Variants in PGCKA1 observed in about 807,000 individuals in gnomAD.
PGCKA1 encodes PDCD10 and GCKIII kinases-associated protein 1.
At chr4:37,509,419 T>C in the PGCKA1 span, among the ~76,000 whole-genome samples, 44,451 of 109,980 alleles carry the variant, frequency 0.4, 10,167 homozygotes, top group African/African-American at 0.5. Context: ...AGGGCAGAGA[T>C]GCTCCCCACA....
chr4:37,570,973 A>G, the PGCKA1 span, among the ~76,000 whole-genome samples: 4 of 152,350 alleles, frequency 2.6e-5, no homozygotes, highest in South Asian at 8.3e-4. Flanking sequence ...GGAAAAGGGT[A>G]TAGACCCTCT....
At chr4:37,550,831 G>T in the PGCKA1 span, among the ~76,000 whole-genome samples, 2 of 152,248 alleles carry the variant, frequency 1.3e-5, no homozygotes, top group African/African-American at 4.8e-5. Context: ...TGGGAATCCC[G>T]AGAATTAATT....
At chr4:37,522,992 T>C in the PGCKA1 span, among the ~76,000 whole-genome samples, 12 of 152,058 alleles carry the variant, frequency 7.9e-5, no homozygotes, top group Non-Finnish European at 1.8e-4. Context: ...CCCCAGCGGA[T>C]GTCTCAGTAT....
chr4:37,498,293 G>A, the PGCKA1 span, among the ~76,000 whole-genome samples: 1 of 152,186 alleles, frequency 6.6e-6, no homozygotes, highest in Admixed American at 6.5e-5. Context: ...CCAGTACCAT[G>A]CTGTTTTGGT....
the PGCKA1 span, among the ~76,000 whole-genome samples, chr4:37,488,980 C>A: frequency 6.6e-6 from 1 of 152,110 alleles, no homozygotes; most frequent in African/African-American, 2.4e-5. Flanking sequence ...CACGTATATA[C>A]CAAAGGCCAG....
At chr4:37,571,841 AGACTG>A in the PGCKA1 span, among the ~76,000 whole-genome samples, 1 of 152,026 alleles carries the variant, frequency 6.6e-6, no homozygotes, top group Non-Finnish European at 1.5e-5. Context: ...CATGTTGGCC[AGACTG>A]GTCTCGAACT....
the PGCKA1 span, among the ~76,000 whole-genome samples, chr4:37,584,727 C>T: frequency 6.6e-6 from 1 of 152,230 alleles, no homozygotes; most frequent in African/African-American, 2.4e-5. Context: ...CAGGGTCAAT[C>T]TTGGTCAGCC....
the PGCKA1 span, among the ~76,000 whole-genome samples, chr4:37,552,836 T>A: frequency 6.6e-6 from 1 of 152,260 alleles, no homozygotes; most frequent in East Asian, 1.9e-4. Context: ...CTAATTTGTT[T>A]GCCTATCATG....
the PGCKA1 span, among the ~76,000 whole-genome samples, chr4:37,522,888 C>T: frequency 6.6e-6 from 1 of 151,984 alleles, no homozygotes; most frequent in Non-Finnish European, 1.5e-5. Flanking sequence ...CCTTCTCTCT[C>T]CTCTCCTCAA....
chr4:37,592,352 T>TG, the PGCKA1 span, among the ~76,000 whole-genome samples: 22,101 of 80,170 alleles, frequency 0.28, 2,383 homozygotes, highest in Non-Finnish European at 0.33. Flanking sequence ...CCCATCTCTA[T>TG]GAAAAAAAAA....
At chr4:37,586,465 C>A in the PGCKA1 span, among the ~76,000 whole-genome samples, 5 of 152,208 alleles carry the variant, frequency 3.3e-5, no homozygotes, top group Non-Finnish European at 7.3e-5. Flanking sequence ...AAGAGATGCA[C>A]GGCTGGTCCG....
chr4:37,503,484 C>A, the PGCKA1 span, among the ~76,000 whole-genome samples: 4 of 152,198 alleles, frequency 2.6e-5, no homozygotes, highest in African/African-American at 9.7e-5. Flanking sequence ...AGGGAATCCT[C>A]AGATTCTGGG....
the PGCKA1 span, among the ~76,000 whole-genome samples, chr4:37,512,044 AC>A: frequency 6.6e-6 from 1 of 152,116 alleles, no homozygotes; most frequent in Non-Finnish European, 1.5e-5. Flanking sequence ...CCCCACAATC[AC>A]TGTGCTCTCC....
chr4:37,540,688 C>T, the PGCKA1 span, among the ~76,000 whole-genome samples: 1 of 152,000 alleles, frequency 6.6e-6, no homozygotes. Context: ...CCAGCTGAAT[C>T]GTATCCAAGG....
chr4:37,476,803 TGAAAA>T, the PGCKA1 span, among the ~76,000 whole-genome samples: 1 of 152,308 alleles, frequency 6.6e-6, no homozygotes, highest in South Asian at 2.1e-4. Flanking sequence ...AATGAATTTT[TGAAAA>T]TTACCTTGCC....
chr4:37,569,811 C>T, the PGCKA1 span, among the ~76,000 whole-genome samples: 1 of 152,006 alleles, frequency 6.6e-6, no homozygotes, highest in African/African-American at 2.4e-5. Flanking sequence ...CTGTTTTGAC[C>T]AGGGAGCCTT....
the PGCKA1 span, among the ~76,000 whole-genome samples, chr4:37,564,399 C>T: frequency 6.6e-6 from 1 of 152,270 alleles, no homozygotes; most frequent in East Asian, 1.9e-4. Context: ...AGCCCTGTCA[C>T]ATGCTTAAGT....
the PGCKA1 span, among the ~76,000 whole-genome samples, chr4:37,506,271 A>G: frequency 2.0e-5 from 3 of 150,948 alleles, no homozygotes; most frequent in East Asian, 1.9e-4. Context: ...TTTCACTTCA[A>G]CTTCATTTAT....
the PGCKA1 span, among the ~76,000 whole-genome samples, chr4:37,567,953 AC>A: frequency 1.3e-5 from 2 of 152,250 alleles, no homozygotes; most frequent in Non-Finnish European, 2.9e-5. Flanking sequence ...CGTAAAGACT[AC>A]AGGAGGGACA....
Sources: gnomAD v4.1 joint callset for allele counts (sites outside exome capture counted in the v4.1 genomes callset) on GRCh38, gnomAD v4.1.1 for gene constraint, MANE v1.5 for transcripts, NCBI Gene and HGNC (gene_info 2026-07-23, HGNC 2026-07-21) for gene names.